The following SLC24A3 variants were observed in gnomAD, a reference collection of about 807,000 sequenced individuals.
SLC24A3 encodes the protein solute carrier family 24 member 3.
A neutral mutation model predicts 75.8 loss-of-function variants in SLC24A3; 28 were observed. That is an observed-to-expected ratio of 0.37 (90% confidence interval 0.27 to 0.51). The LOEUF is 0.51. Ranked by LOEUF, SLC24A3 falls within the 20% of genes least tolerant of loss-of-function variation. SLC24A3 has a pLI of 0.94. For missense variants in SLC24A3, 663 were observed against 847.8 expected, an observed-to-expected ratio of 0.78 and a Z score of 2.71; for synonymous variants, 372 against 334.1, an observed-to-expected ratio of 1.11 and a Z score of -1.24.
chr20:19,332,399 C>G (rs1985020712), intron 2 of SLC24A3, among the ~76,000 whole-genome samples: 2 of 152,116 alleles, frequency 1.3e-5, no homozygotes, highest in Admixed American at 6.5e-5. Context: ...GGGTTGATGT[C>G]TTTAGGAGTA....
chr20:19,523,008 A>G (rs536740937), intron 3 of SLC24A3, among the ~76,000 whole-genome samples: 1 of 152,200 alleles, frequency 6.6e-6, no homozygotes, highest in Non-Finnish European at 1.5e-5. Context: ...GAAATTGTCT[A>G]CTAATGACGT....
intron 2 of SLC24A3, among the ~76,000 whole-genome samples, chr20:19,419,491 T>G (rs1986881153): frequency 6.6e-6 from 1 of 152,142 alleles, no homozygotes; most frequent in African/African-American, 2.4e-5. Context: ...GATTTAATAC[T>G]TAATGACTGA....
At chr20:19,351,696 A>C (rs536271058) in intron 2 of SLC24A3, among the ~76,000 whole-genome samples, 2 of 152,168 alleles carry the variant, frequency 1.3e-5, no homozygotes, top group East Asian at 3.9e-4. Context: ...CTCTCTTCTG[A>C]ACACTCCCCA....
chr20:19,694,734 G>A (rs1056564979), intron 13 of SLC24A3: 4 of 152,294 alleles, frequency 2.6e-5, no homozygotes, highest in African/African-American at 4.8e-5. Context: ...TTTTCCTCCA[G>A]TGGAGGTTCT....
intron 2 of SLC24A3, among the ~76,000 whole-genome samples, chr20:19,308,752 G>C (rs999347594): frequency 6.6e-6 from 1 of 152,212 alleles, no homozygotes; most frequent in Non-Finnish European, 1.5e-5. Context: ...TATGACTTAA[G>C]TACCTCATTT....
chr20:19,613,815 T>C (rs936150201), intron 6 of SLC24A3, among the ~76,000 whole-genome samples: 14 of 152,196 alleles, frequency 9.2e-5, no homozygotes, highest in Admixed American at 6.5e-4. Flanking sequence ...AAGGCTTCCT[T>C]GGTTTGCGTA....
At chr20:19,282,790 G>T (rs980800737) in intron 2 of SLC24A3, among the ~76,000 whole-genome samples, 1 of 152,206 alleles carries the variant, frequency 6.6e-6, no homozygotes, top group Non-Finnish European at 1.5e-5. Context: ...GTTCCCTGTT[G>T]CTGGGGTGTG....
intron 1 of SLC24A3, among the ~76,000 whole-genome samples, chr20:19,272,248 C>T (rs1001806252): frequency 1.3e-5 from 2 of 152,234 alleles, no homozygotes; most frequent in Admixed American, 1.3e-4. Context: ...GGTCTGGGAG[C>T]AGTAACTCAG....
At chr20:19,498,909 G>A (rs535046618) in intron 2 of SLC24A3, among the ~76,000 whole-genome samples, 11 of 152,310 alleles carry the variant, frequency 7.2e-5, no homozygotes, top group Non-Finnish European at 1.0e-4. Flanking sequence ...CTCTCTTGGC[G>A]TGTGCACGTG....
chr20:19,449,321 A>G (rs1987442221), intron 2 of SLC24A3, among the ~76,000 whole-genome samples: 1 of 152,188 alleles, frequency 6.6e-6, no homozygotes, highest in Non-Finnish European at 1.5e-5. Context: ...TGCTGCTGGC[A>G]CTGACAGTGG....
chr20:19,454,955 T>G (rs553838345), intron 2 of SLC24A3, among the ~76,000 whole-genome samples: 1 of 152,134 alleles, frequency 6.6e-6, no homozygotes, highest in Non-Finnish European at 1.5e-5. Flanking sequence ...ATAGACAGAG[T>G]CTAGGTGATA....
intron 2 of SLC24A3, among the ~76,000 whole-genome samples, chr20:19,283,700 GT>G (rs1455568437): frequency 2.0e-5 from 3 of 152,198 alleles, no homozygotes; most frequent in Non-Finnish European, 2.9e-5. Flanking sequence ...AAATAGCCAG[GT>G]TCTCAGAGTC....
At chr20:19,340,857 G>C (rs963359313) in intron 2 of SLC24A3, among the ~76,000 whole-genome samples, 1 of 152,210 alleles carries the variant, frequency 6.6e-6, no homozygotes, top group African/African-American at 2.4e-5. Flanking sequence ...GTTGCACAGG[G>C]TAATTTGTGT....
chr20:19,339,290 GT>G (rs912344339), intron 2 of SLC24A3, among the ~76,000 whole-genome samples: 84 of 149,964 alleles, frequency 5.6e-4, no homozygotes, highest in Middle Eastern at 3.4e-3. Flanking sequence ...TAGGTATCTA[GT>G]TTTTTTTTTC....
Position 19,608,355 on chromosome 20 carries a change from A to G in SLC24A3, c.612+22811A>G, listed in dbSNP as rs540525734. ...GCAACATAAGATTTAAATACATATT[A>G]AAGACCACAAGAAATGTGAAGTTAC... On this transcript the variant is annotated intron_variant, in intron 6 of 16. Coordinates refer to ENST00000328041, the MANE Select transcript of SLC24A3 (RefSeq NM_020689.4). Among the ~76,000 whole-genome samples the G allele has an allele frequency of 3.9e-5, 6 of 152,344 alleles. No individual in the cohort carries two copies. The South Asian group carries it at 1.2e-3, about 32-fold the overall frequency.
intron 2 of SLC24A3, among the ~76,000 whole-genome samples, chr20:19,482,207 AGCCCACCTG>A (rs1398105173): frequency 6.6e-6 from 1 of 152,170 alleles, no homozygotes; most frequent in Non-Finnish European, 1.5e-5. Flanking sequence ...TGATCCTCCC[AGCCCACCTG>A]GCCCACCTGG....
At chr20:19,699,972 G>A (rs1051615121) in intron 15 of SLC24A3, among the ~76,000 whole-genome samples, 10 of 152,224 alleles carry the variant, frequency 6.6e-5, no homozygotes, top group East Asian at 1.9e-4. Flanking sequence ...ATGGCCTATC[G>A]CTTCTGGGGT....
At position 19,481,325 on chromosome 20, in the gene SLC24A3, G is replaced by A. The variant is rs377255246; in HGVS notation, c.272-34163G>A. ...GGACACCCGTTTTAGCACTTCACAC[G>A]TACTAGTGCTTAGTTTATACAGCCC... is the stretch of plus-strand genomic sequence containing the variant. On this transcript the variant is annotated intron_variant, in intron 2 of 16. Transcript: ENST00000328041. Among the ~76,000 whole-genome samples the A allele has an allele frequency of 2.1e-4, 32 of 152,298 alleles. No individual in the cohort carries two copies. In the South Asian group the frequency reaches 2.7e-3, roughly 13 times the overall value.
intron 9 of SLC24A3, among the ~76,000 whole-genome samples, chr20:19,680,095 TGTGTGCGA>T (rs1416994877): frequency 6.8e-6 from 1 of 147,588 alleles, no homozygotes; most frequent in Non-Finnish European, 1.5e-5. Flanking sequence ...TATGTGTCTG[TGTGTGCGA>T]GTGTGTGTCT....
Sources: allele counts gnomAD v4.1 joint callset (sites outside exome capture counted in the v4.1 genomes callset), GRCh38; gene constraint gnomAD v4.1.1; transcripts MANE v1.5; gene names NCBI Gene and HGNC (gene_info 2026-07-23, HGNC 2026-07-21).